VPS13A: variants seen among roughly 807,000 people sequenced by gnomAD.
The protein encoded by VPS13A is intermembrane lipid transfer protein VPS13A.
A neutral mutation model predicts 390.9 loss-of-function variants in VPS13A; 264 were observed. The observed-to-expected ratio is 0.68, with a 90% confidence interval of 0.61 to 0.75. The LOEUF is 0.75. Among genes scored for constraint, VPS13A ranks in the 30% least tolerant of loss-of-function variants. The probability of loss-of-function intolerance (pLI) is 0.00; values close to 1 mark genes in which losing one functional copy is unlikely to be tolerated. For synonymous variants in VPS13A, 1,231 were observed against 1,227.1 expected (o/e 1.00, Z -0.07); for missense variants, 3,409 against 3,733.9 (o/e 0.91, Z 2.27).
chr9:77,403,425 G>C, intron 69 of VPS13A, 104 bp downstream of exon 69: 1 of 947,378 alleles, frequency 1.1e-6, no homozygotes, highest in Non-Finnish European at 1.7e-6. Flanking sequence ...TAGTCACACT[G>C]ATTCTTGGGT....
Position 77,318,514 on chromosome 9 carries a change from C to T in VPS13A, c.5236C>T (p.Leu1746=). 2.5e-6 allele frequency: 4 copies of T among 1,613,878 alleles called. No individual in the cohort carries two copies. Among genetic ancestry groups the T allele is most frequent in the Non-Finnish European group, 3.4e-6 (4 of 1,179,908 alleles). The part of the protein sequence containing the change: ...GIGHRTVPML[L]AKSRFSGEGK... ...TGGTCATAGAACAGTACCTATGCTT[C>T]TGGCAAAGTCACGTTTTTCAGGGGA... The change falls in exon 41 of 72, where the codon CTG becomes TTG. Residue 1746 remains leucine (L), a synonymous_variant. Transcript: ENST00000360280.
Position 77,295,581 on chromosome 9 carries a change from G to T in VPS13A, c.3547G>T (p.Ala1183Ser). ...TTTTCAGGCAGCTAAACAAGCCTTG[G>T]CTGAGGCAACTGTTCAGGCAGCTGG... ...DNFQAAKQAL[A>S]EATVQAAGMA... Residue 1183 changes from alanine to serine, a missense_variant, in exon 33 of 72, where the codon GCT (alanine) becomes TCT (serine). Physicochemically the swap from Ala to Ser is moderately conservative, Grantham distance 99 (BLOSUM62 1). Transcript: ENST00000360280. 1 of 1,611,564 alleles carries T rather than the reference G, an allele frequency of 6.2e-7. No homozygotes were observed. Among genetic ancestry groups the T allele is most frequent in the Non-Finnish European group, 8.5e-7 (1 of 1,178,152 alleles).
intron 23 of VPS13A, among the ~76,000 whole-genome samples, chr9:77,262,775 A>G (rs1442859456): frequency 6.6e-6 from 1 of 152,030 alleles, no homozygotes; most frequent in Non-Finnish European, 1.5e-5. Context: ...ATCCTTTTTT[A>G]TGGCTGCATA....
chr9:77,282,809 A>G (rs1001698455), intron 29 of VPS13A, among the ~76,000 whole-genome samples: 1 of 152,070 alleles, frequency 6.6e-6, no homozygotes, highest in African/African-American at 2.4e-5. Context: ...TTAGTTGGGC[A>G]TGGTGGTGTT....
chr9:77,414,952 A>G (rs989290810), intron 71 of VPS13A, among the ~76,000 whole-genome samples: 4 of 152,098 alleles, frequency 2.6e-5, no homozygotes, highest in Admixed American at 6.5e-5. Context: ...ACTGTCTCAT[A>G]CACATACCTT....
intron 50 of VPS13A, among the ~76,000 whole-genome samples, chr9:77,341,127 G>A (rs1830782160): frequency 6.6e-6 from 1 of 151,994 alleles, no homozygotes; most frequent in Non-Finnish European, 1.5e-5. Context: ...CGTCCTTGTT[G>A]GGATTATTCT....
At chr9:77,382,242 A>G in intron 68 of VPS13A, 155 bp downstream of exon 68, 1 of 1,449,070 alleles carries the variant, frequency 6.9e-7, no homozygotes, top group Non-Finnish European at 9.2e-7. Context: ...TTTAAAGTAC[A>G]TTTATTTACT....
Position 77,359,445 on chromosome 9 carries a change from G to T in VPS13A, c.8105+43G>T. The T allele has an allele frequency of 4.8e-6, 7 of 1,457,622 alleles. No homozygotes were observed. In the Admixed American group the frequency reaches 6.9e-5, roughly 14 times the overall value. The allele number at this position is 1,457,622 out of a possible 1,614,324, so 90.3% of individuals were successfully genotyped here. A position where few individuals can be genotyped will look rare whatever the true frequency, so the allele number is the denominator to read the frequency against. Reference sequence around the variant, plus strand: ...TTTCTTGTATATTTATTTAATGTTTGATTTAAATATATGAATTGTTTGTAC... The same window carrying T: ...TTTCTTGTATATTTATTTAATGTTTTATTTAAATATATGAATTGTTTGTAC... On this transcript the variant is annotated intron_variant, in intron 58 of 71. Coordinates refer to ENST00000360280, the MANE Select transcript of VPS13A (RefSeq NM_033305.3).
intron 22 of VPS13A, among the ~76,000 whole-genome samples, chr9:77,257,068 C>G: frequency 6.6e-6 from 1 of 151,374 alleles, no homozygotes; most frequent in South Asian, 2.1e-4. Context: ...CTTTTTTGAT[C>G]CCTCATTTCC....
chr9:77,370,860 T>G, intron 65 of VPS13A, 30 bp from the exon 66 acceptor site: 1 of 1,612,126 alleles, frequency 6.2e-7, no homozygotes, highest in Non-Finnish European at 8.5e-7. Flanking sequence ...AAAAAAGTAT[T>G]GTAAATTTTC....
At position 77,369,342 on chromosome 9, in the gene VPS13A, T is replaced by C. The variant is rs1440516665; in HGVS notation, c.8597T>C (p.Leu2866Ser). 6.2e-7 allele frequency: 1 copy of C among 1,613,936 alleles called. No homozygotes were observed. The highest frequency in any genetic ancestry group is 1.1e-5 in the South Asian group (1 of 91,080). The change falls in exon 63 of 72, where the codon TTG becomes TCG. Residue 2866 changes from leucine (L) to serine (S), a missense_variant. Leu to Ser is a moderately radical substitution (Grantham distance 145, BLOSUM62 -2). Transcript: ENST00000360280. ...GTACTCATTCTTGGACTTGATGTTT[T>C]GGGAAATCCATTTGGCTTAATTAGA... Reference protein sequence around the residue: ...MYVLILGLDVLGNPFGLIREF... With the variant: ...MYVLILGLDVSGNPFGLIREF...
intron 68 of VPS13A, among the ~76,000 whole-genome samples, chr9:77,399,443 GAGGT>G (rs1397201522): frequency 3.9e-5 from 6 of 152,054 alleles, no homozygotes; most frequent in Admixed American, 3.9e-4. Context: ...AAAGTGATGA[GAGGT>G]AGGCTTAATT....
intron 1 of VPS13A, among the ~76,000 whole-genome samples, chr9:77,190,893 G>A (rs1438039547): frequency 2.0e-5 from 3 of 151,938 alleles, no homozygotes. Flanking sequence ...AGGATTTTTT[G>A]TATTTCTCTG....
chr9:77,201,948 C>A (rs768947115), intron 3 of VPS13A, among the ~76,000 whole-genome samples: 1 of 152,006 alleles, frequency 6.6e-6, no homozygotes, highest in African/African-American at 2.4e-5. Flanking sequence ...GTTTTAACAT[C>A]TTTAATAAAA....
chr9:77,225,237 A>G (rs922495457), intron 13 of VPS13A, among the ~76,000 whole-genome samples: 4 of 152,174 alleles, frequency 2.6e-5, no homozygotes, highest in African/African-American at 9.6e-5. Context: ...TACAGGCTGT[A>G]CACATAATAT....
Position 77,314,661 on chromosome 9 carries a change from C to T in VPS13A, c.4409C>T (p.Pro1470Leu), listed in dbSNP as rs770167385. The change falls in exon 37 of 72, where the codon CCT becomes CTT. Residue 1470 changes from proline (P) to leucine (L), a missense_variant. By Grantham distance (98) the Pro-to-Leu change is moderately conservative. Coordinates refer to ENST00000360280, the MANE Select transcript of VPS13A (RefSeq NM_033305.3). The stretch of plus-strand genomic sequence containing the variant: ...AGACCTCATGTCAAGAAAGCAACTC[C>T]TCGGTATGTATTGTAATGATGTTCT... ...DKRPHVKKAT[P>L]RMIGLTVGFD... 2 of 1,611,138 alleles carry T rather than the reference C, an allele frequency of 1.2e-6. No individual in the cohort carries two copies. Among genetic ancestry groups the T allele is most frequent in the South Asian group, 2.2e-5 (2 of 90,986 alleles).
intron 1 of VPS13A, among the ~76,000 whole-genome samples, chr9:77,194,361 T>TG (rs142571721): frequency 0.14 from 20,994 of 149,416 alleles, 1,574 homozygotes; most frequent in African/African-American, 0.19. Flanking sequence ...GGATGGGGGT[T>TG]GGGGGGGGCG....
intron 34 of VPS13A, among the ~76,000 whole-genome samples, chr9:77,306,401 A>AGAGAGAGTGTGTGTGTGTGTGTGT (rs550279922): frequency 9.3e-6 from 1 of 107,696 alleles, no homozygotes; most frequent in African/African-American, 3.5e-5. Flanking sequence ...AGAGAGAGAG[A>AGAGAGAGTGTGTGTGTGTGTGTGT]GTGTGTGTGT....
rs755019794 is a variant in VPS13A, at chr9:77,295,551, G to A, written c.3517G>A (p.Asp1173Asn). 6.2e-7 allele frequency: 1 copy of A among 1,606,516 alleles called. No individual in the cohort carries two copies. Among genetic ancestry groups the A allele is most frequent in the East Asian group, 2.2e-5 (1 of 44,674 alleles). ...TTCTGTTATCTTACAGGCTTTTATAGATAATTTTCAGGCAGCTAAACAAGC... is the reference window on the plus strand; with the variant it reads ...TTCTGTTATCTTACAGGCTTTTATAAATAATTTTCAGGCAGCTAAACAAGC... The part of the protein sequence containing the change: ...KFLYSILAFI[D>N]NFQAAKQALA... Residue 1173 changes from aspartate to asparagine, a missense_variant, in exon 33 of 72, where the codon GAT becomes AAT. Asp to Asn is a conservative substitution (Grantham distance 23). Around this residue, in one of 5 missense-constraint regions of VPS13A, gnomAD observed 2,717 missense variants for 2,917.4 expected, o/e 0.93. Coordinates refer to ENST00000360280, the MANE Select transcript of VPS13A (RefSeq NM_033305.3).
Sources: gnomAD v4.1 joint callset for allele counts (sites outside exome capture counted in the v4.1 genomes callset) on GRCh38, gnomAD v4.1.1 for gene constraint, gnomAD v4.1.1 regional missense constraint, MANE v1.5 for transcripts, NCBI Gene and HGNC (gene_info 2026-07-23, HGNC 2026-07-21) for gene names.